The following XKR4 variants were observed in gnomAD, a reference collection of about 807,000 sequenced individuals.
XKR4 encodes XK related 4.
XKR4 carries 12 observed loss-of-function variants against 53.9 expected under a neutral mutation model. That is an observed-to-expected ratio of 0.22 (90% CI 0.14 to 0.36). The LOEUF is 0.36. Ranked by LOEUF, XKR4 falls within the 10% of genes least tolerant of loss-of-function variation. The pLI is 1.00. For synonymous variants in XKR4, 354 were observed against 362.4 expected, an observed-to-expected ratio of 0.98 and a Z score of 0.26; for missense variants, 799 against 859.5, an observed-to-expected ratio of 0.93 and a Z score of 0.88.
intron 1 of XKR4, among the ~76,000 whole-genome samples, chr8:55,185,822 GC>G (rs748204805): frequency 2.0e-5 from 3 of 152,092 alleles, no homozygotes; most frequent in Non-Finnish European, 4.4e-5. Flanking sequence ...CACCTAGATT[GC>G]CTAGTTGGCC....
chr8:55,366,790 G>T (rs1803995271), intron 2 of XKR4, among the ~76,000 whole-genome samples: 1 of 152,056 alleles, frequency 6.6e-6, no homozygotes, highest in South Asian at 2.1e-4. Flanking sequence ...CAATCACCCT[G>T]TTCTTGGAAT....
Position 55,320,619 on chromosome 8 carries a change from T to A in XKR4, c.807-37059T>A, listed in dbSNP as rs576379773. Among the ~76,000 whole-genome samples the A allele has an allele frequency of 8.1e-4, 124 of 152,298 alleles. No individual in the cohort carries two copies. In the Middle Eastern group the frequency reaches 0.024, roughly 29 times the overall value. On this transcript the variant is annotated intron_variant, in intron 1 of 2. Transcript: ENST00000327381. ...GGCATTATATTAGGTCTGCCTCAGA[T>A]CCTAACATGATTTGTGGGGAGCATA...
intron 1 of XKR4, among the ~76,000 whole-genome samples, chr8:55,186,437 C>T (rs1308080289): frequency 5.3e-5 from 8 of 151,962 alleles, no homozygotes; most frequent in East Asian, 1.9e-4. Context: ...GGGCGGATCA[C>T]GAGGTCAGGA....
intron 1 of XKR4, among the ~76,000 whole-genome samples, chr8:55,284,385 A>G (rs564201176): frequency 7.2e-5 from 11 of 152,114 alleles, no homozygotes; most frequent in African/African-American, 2.7e-4. Flanking sequence ...CTGGCTCAGA[A>G]TCTCCCATGA....
intron 1 of XKR4, among the ~76,000 whole-genome samples, chr8:55,305,123 G>A (rs760004152): frequency 1.3e-5 from 2 of 152,170 alleles, no homozygotes; most frequent in Non-Finnish European, 2.9e-5. Flanking sequence ...CCACTGTTCT[G>A]TATAGCAGCC....
At chr8:55,294,999 T>G (rs776948405) in intron 1 of XKR4, among the ~76,000 whole-genome samples, 8 of 152,246 alleles carry the variant, frequency 5.3e-5, no homozygotes, top group Non-Finnish European at 1.0e-4. Context: ...TTTCTCCTTA[T>G]TGTTCTTTCT....
At chr8:55,124,328 T>C (rs538203584) in intron 1 of XKR4, among the ~76,000 whole-genome samples, 1 of 152,326 alleles carries the variant, frequency 6.6e-6, no homozygotes, top group East Asian at 1.9e-4. Flanking sequence ...ACTACATTCC[T>C]TCTCCCCAGC....
chr8:55,484,218 C>T (rs1806158547), intron 2 of XKR4, among the ~76,000 whole-genome samples: 1 of 152,016 alleles, frequency 6.6e-6, no homozygotes, highest in Non-Finnish European at 1.5e-5. Flanking sequence ...ACTCTCCAGG[C>T]CAAGAAAGCT....
chr8:55,378,274 T>G (rs977053819), intron 2 of XKR4, among the ~76,000 whole-genome samples: 1 of 152,256 alleles, frequency 6.6e-6, no homozygotes, highest in East Asian at 1.9e-4. Context: ...AAGCAAGTTC[T>G]TAATGGTCAG....
At chr8:55,275,835 C>T (rs1017595261) in intron 1 of XKR4, among the ~76,000 whole-genome samples, 5 of 152,108 alleles carry the variant, frequency 3.3e-5, no homozygotes, top group Non-Finnish European at 5.9e-5. Context: ...AAGGCTTTTC[C>T]TCTGTCAGAT....
At chr8:55,290,505 T>C (rs1819004031) in intron 1 of XKR4, among the ~76,000 whole-genome samples, 1 of 152,140 alleles carries the variant, frequency 6.6e-6, no homozygotes, top group African/African-American at 2.4e-5. Context: ...TGGTGGTTTG[T>C]TGCACCTATC....
intron 2 of XKR4, among the ~76,000 whole-genome samples, chr8:55,512,999 C>A (rs140987213): frequency 6.6e-6 from 1 of 152,134 alleles, no homozygotes; most frequent in Admixed American, 6.5e-5. Flanking sequence ...ACACCAGCAC[C>A]GCCTCTACTT....
intron 2 of XKR4, among the ~76,000 whole-genome samples, chr8:55,495,643 G>A (rs142396992): frequency 7.7e-4 from 118 of 152,328 alleles, no homozygotes; most frequent in African/African-American, 2.6e-3. Flanking sequence ...CCACAGTGGC[G>A]GTGGATGATA....
chr8:55,370,189 A>G (rs78721751), intron 2 of XKR4, among the ~76,000 whole-genome samples: 6,702 of 152,294 alleles, frequency 0.044, 467 homozygotes, highest in African/African-American at 0.15. Context: ...GTTTTTTATT[A>G]TATAATGTCA....
At chr8:55,240,595 A>G (rs141636343) in intron 1 of XKR4, among the ~76,000 whole-genome samples, 68 of 152,324 alleles carry the variant, frequency 4.5e-4, no homozygotes, top group African/African-American at 1.6e-3. Flanking sequence ...TACAGAGGAC[A>G]ATACGGAAAA....
At chr8:55,483,945 C>T (rs753328338) in intron 2 of XKR4, among the ~76,000 whole-genome samples, 8 of 152,006 alleles carry the variant, frequency 5.3e-5, no homozygotes, top group Non-Finnish European at 8.8e-5. Flanking sequence ...AAACCTCTCA[C>T]GAGACTGACA....
chr8:55,428,207 G>C (rs1805045480), intron 2 of XKR4, among the ~76,000 whole-genome samples: 1 of 152,102 alleles, frequency 6.6e-6, no homozygotes, highest in Admixed American at 6.5e-5. Context: ...AGAAAACTCT[G>C]AACAGTATAG....
At chr8:55,168,538 G>C (rs16921297) in intron 1 of XKR4, among the ~76,000 whole-genome samples, 3 of 151,966 alleles carry the variant, frequency 2.0e-5, no homozygotes, top group Non-Finnish European at 4.4e-5. Context: ...AATGTCACTC[G>C]CATTAAAATG....
chr8:55,357,561 G>T, intron 1 of XKR4, 117 bp from the exon 2 acceptor site: 1 of 1,014,444 alleles, frequency 9.9e-7, no homozygotes, highest in Admixed American at 2.2e-5. Flanking sequence ...AGCCCCCGAG[G>T]TAATTGTTTC....
Sources: allele counts gnomAD v4.1 joint callset (sites outside exome capture counted in the v4.1 genomes callset), GRCh38; gene constraint gnomAD v4.1.1; transcripts MANE v1.5; gene names NCBI Gene and HGNC (gene_info 2026-07-23, HGNC 2026-07-21).